The following SRPK2 variants were observed in gnomAD, a reference collection of about 807,000 sequenced individuals.
SRPK2 encodes SRSF protein kinase 2, also known as SFRS protein kinase 2.
Under a neutral mutation model 90.8 loss-of-function variants are expected in SRPK2, and 21 were observed. The observed-to-expected ratio is 0.23, with a 90% CI of 0.16 to 0.33. SRPK2 has a LOEUF of 0.33. Ranked by LOEUF, SRPK2 falls within the 10% of genes least tolerant of loss-of-function variation. The pLI, the probability that SRPK2 is intolerant of heterozygous loss-of-function variation, is 1.00. For missense variants in SRPK2, 620 were observed against 869.0 expected (o/e 0.71, Z 3.60); for synonymous variants, 288 against 311.1 (o/e 0.93, Z 0.78).
intron 2 of SRPK2, among the ~76,000 whole-genome samples, chr7:105,213,861 T>G (rs775460831): frequency 1.3e-5 from 2 of 152,156 alleles, no homozygotes; most frequent in African/African-American, 2.4e-5. Flanking sequence ...GATGTACCAC[T>G]TTACACAAGC....
intron 7 of SRPK2, among the ~76,000 whole-genome samples, chr7:105,158,311 G>C (rs1258232982): frequency 1.3e-5 from 2 of 151,322 alleles, no homozygotes; most frequent in Non-Finnish European, 2.9e-5. Flanking sequence ...CTGGAGTGCA[G>C]TGGCATGATC....
At chr7:105,398,381 CTTTTT>C (rs1183621196) in intron 1 of SRPK2, among the ~76,000 whole-genome samples, 1 of 135,090 alleles carries the variant, frequency 7.4e-6, no homozygotes, top group Non-Finnish European at 1.6e-5. Context: ...ACCCAGCCTC[CTTTTT>C]TTTTTTTTTT....
chr7:105,388,940 CCG>C, upstream of SRPK2: 1 of 1,188,432 alleles, frequency 8.4e-7, no homozygotes, highest in Non-Finnish European at 1.0e-6. Context: ...GCCGCCGCCG[CCG>C]CTCCAGCAGG....
chr7:105,296,772 G>T (rs969604009), intron 2 of SRPK2, among the ~76,000 whole-genome samples: 5 of 152,102 alleles, frequency 3.3e-5, no homozygotes, highest in African/African-American at 1.2e-4. Context: ...TACTGTTGTG[G>T]GGGCTTACTA....
At chr7:105,395,406 G>T (rs556808478) in intron 1 of SRPK2, among the ~76,000 whole-genome samples, 2 of 151,444 alleles carry the variant, frequency 1.3e-5, no homozygotes, top group African/African-American at 2.4e-5. Flanking sequence ...GTTCAAGAAG[G>T]CCTCACCGAG....
At chr7:105,282,095 AGT>A (rs1807417409) in intron 2 of SRPK2, among the ~76,000 whole-genome samples, 1 of 152,234 alleles carries the variant, frequency 6.6e-6, no homozygotes, top group Non-Finnish European at 1.5e-5. Flanking sequence ...AGGAATGAAA[AGT>A]GTGAGGAAAG....
intron 2 of SRPK2, among the ~76,000 whole-genome samples, chr7:105,266,034 C>G (rs1585436968): frequency 6.6e-6 from 1 of 152,108 alleles, no homozygotes; most frequent in East Asian, 1.9e-4. Flanking sequence ...TACTCCATAA[C>G]TCCCCTACAA....
intron 2 of SRPK2, among the ~76,000 whole-genome samples, chr7:105,331,321 A>AAAAAAC (rs1814325903): frequency 7.5e-6 from 1 of 132,554 alleles, no homozygotes; most frequent in Non-Finnish European, 1.6e-5. Context: ...AAAAAAAAAA[A>AAAAAAC]AAAAAAAAAA....
chr7:105,340,465 G>A (rs1011232295), intron 2 of SRPK2, among the ~76,000 whole-genome samples: 2 of 146,162 alleles, frequency 1.4e-5, no homozygotes, highest in Non-Finnish European at 3.0e-5. Context: ...CAGTGGTGGT[G>A]CCATCACTGC....
chr7:105,189,845 T>A (rs1794056223), intron 3 of SRPK2: 1 of 152,532 alleles, frequency 6.6e-6, no homozygotes, highest in Non-Finnish European at 1.5e-5. Flanking sequence ...CTTTTATAAC[T>A]CTTTTTACAA....
rs34930111 is a variant in SRPK2 at position 105,176,709 on chromosome 7, ATGTGTG to A, written c.230-7450_230-7445del. Among the ~76,000 whole-genome samples, 274 of 127,522 alleles carry A rather than the reference ATGTGTG, an allele frequency of 2.1e-3. 1 individual carries two copies. The highest frequency in any genetic ancestry group is 5.9e-3 in the African/African-American group (206 of 35,100). The allele number at this position is 127,522 out of a possible 152,430, so 83.7% of individuals were successfully genotyped here. On this transcript the variant is annotated intron_variant, in intron 3 of 15. Coordinates refer to ENST00000393651, the MANE Select transcript of SRPK2 (RefSeq NM_182692.3). ...TGTGTGTACATATATATGTATGTGT[ATGTGTG>A]TGTGTGTGTGTATGTATGTATGTAT...
At chr7:105,253,691 A>G (rs1298173901) in intron 2 of SRPK2, among the ~76,000 whole-genome samples, 1 of 152,234 alleles carries the variant, frequency 6.6e-6, no homozygotes, top group Non-Finnish European at 1.5e-5. Context: ...AAAGTAATTC[A>G]AATTCCAGAA....
At chr7:105,316,008 G>A (rs1812266961) in intron 2 of SRPK2, among the ~76,000 whole-genome samples, 1 of 146,584 alleles carries the variant, frequency 6.8e-6, no homozygotes, top group Non-Finnish European at 1.5e-5. Context: ...TAAACGAAAA[G>A]ACATCTTTAG....
chr7:105,296,845 C>A (rs1809881741), intron 2 of SRPK2, among the ~76,000 whole-genome samples: 1 of 152,160 alleles, frequency 6.6e-6, no homozygotes, highest in African/African-American at 2.4e-5. Flanking sequence ...TATCAACCCT[C>A]TTTTACAGAA....
At chr7:105,259,292 G>C (rs965318652) in intron 2 of SRPK2, among the ~76,000 whole-genome samples, 1 of 152,114 alleles carries the variant, frequency 6.6e-6, no homozygotes, top group Non-Finnish European at 1.5e-5. Flanking sequence ...AATTGCTTCA[G>C]AGAGAATAAA....
At chr7:105,323,780 A>G (rs1489787936) in intron 2 of SRPK2, among the ~76,000 whole-genome samples, 1 of 152,184 alleles carries the variant, frequency 6.6e-6, no homozygotes, top group African/African-American at 2.4e-5. Flanking sequence ...TCAACACTGT[A>G]AGAATAATTT....
chr7:105,138,996 ATGTG>A (rs1803297363), intron 11 of SRPK2, among the ~76,000 whole-genome samples: 1 of 152,204 alleles, frequency 6.6e-6, no homozygotes, highest in African/African-American at 2.4e-5. Flanking sequence ...TGCTCAATCT[ATGTG>A]GAGGATATAC....
At chr7:105,323,863 A>T (rs1813214955) in intron 2 of SRPK2, among the ~76,000 whole-genome samples, 1 of 152,208 alleles carries the variant, frequency 6.6e-6, no homozygotes, top group Non-Finnish European at 1.5e-5. Flanking sequence ...CTAAGGAGGC[A>T]TTCTTCCAGA....
At chr7:105,379,456 GA>G (rs1317724248) in intron 2 of SRPK2, among the ~76,000 whole-genome samples, 7 of 151,990 alleles carry the variant, frequency 4.6e-5, no homozygotes, top group African/African-American at 1.5e-4. Flanking sequence ...CGTACTGAGG[GA>G]TGACTGTATA....
Sources: gnomAD v4.1 joint callset for allele counts (sites outside exome capture counted in the v4.1 genomes callset) on GRCh38, gnomAD v4.1.1 for gene constraint, MANE v1.5 for transcripts, NCBI Gene and HGNC (gene_info 2026-07-23, HGNC 2026-07-21) for gene names.